RAB36: variants seen among roughly 807,000 people sequenced by gnomAD.
RAB36 encodes the protein ras-related protein Rab-36.
Under a neutral mutation model 39.3 loss-of-function variants are expected in RAB36, and 33 were observed. The ratio of observed to expected loss-of-function variants is 0.84; its 90% CI spans 0.64 to 1.12. RAB36 has a LOEUF of 1.12. RAB36 is among the 50% of genes most tolerant of loss of function. The probability of loss-of-function intolerance (pLI) is 0.00; values close to 1 mark genes in which losing one functional copy is unlikely to be tolerated. For synonymous variants in RAB36, 133 were observed against 140.2 expected, an observed-to-expected ratio of 0.95 and a Z score of 0.36; for missense variants, 308 against 355.3, an observed-to-expected ratio of 0.87 and a Z score of 1.07.
intron 3 of RAB36, 114 bp downstream of exon 3, chr22:23,150,268 C>A: frequency 7.4e-6 from 6 of 808,858 alleles, no homozygotes; most frequent in Non-Finnish European, 1.0e-5. Flanking sequence ...CAGCCCTGTA[C>A]AGGCCTGAAG....
chr22:23,161,079 G>C (rs5759614), intron 10 of RAB36, 81 bp downstream of exon 10: 1 of 1,489,338 alleles, frequency 6.7e-7, no homozygotes, highest in East Asian at 2.3e-5. Context: ...GTCACCTGAG[G>C]CCTTGCCATT....
intron 5 of RAB36, chr22:23,153,600 C>A (rs1233148233): frequency 1.0e-6 from 1 of 985,160 alleles, no homozygotes; most frequent in Admixed American, 6.2e-5. Flanking sequence ...ACACAGCACC[C>A]ACATCCTTCC....
intron 5 of RAB36, among the ~76,000 whole-genome samples, chr22:23,154,456 G>A (rs2071348292): frequency 6.6e-6 from 1 of 152,236 alleles, no homozygotes; most frequent in Non-Finnish European, 1.5e-5. Context: ...CCAAGGGAGA[G>A]TACAGGCCAG....
At chr22:23,156,555 G>T (rs1004790094) in intron 6 of RAB36, among the ~76,000 whole-genome samples, 1 of 152,168 alleles carries the variant, frequency 6.6e-6, no homozygotes, top group Admixed American at 6.5e-5. Context: ...ATAAGCTCCG[G>T]ATGCCTACCC....
At chr22:23,154,590 G>A (rs562669099) in intron 5 of RAB36, among the ~76,000 whole-genome samples, 2 of 152,306 alleles carry the variant, frequency 1.3e-5, no homozygotes, top group East Asian at 3.9e-4. Flanking sequence ...GCTGGGGGCT[G>A]GGCTCACCCG....
intron 5 of RAB36, among the ~76,000 whole-genome samples, chr22:23,154,284 T>C (rs1367678307): frequency 6.6e-6 from 1 of 152,178 alleles, no homozygotes; most frequent in African/African-American, 2.4e-5. Flanking sequence ...CCAAGCTCCT[T>C]CCTGGTGCCT....
chr22:23,155,916 T>G, intron 5 of RAB36, 52 bp from the exon 6 acceptor site: 1 of 1,526,540 alleles, frequency 6.6e-7, no homozygotes, highest in Non-Finnish European at 8.9e-7. Context: ...CTCAAGACAC[T>G]GTGATTGTGT....
chr22:23,165,763 C>T (rs1055176137), downstream of RAB36, among the ~76,000 whole-genome samples: 1 of 152,174 alleles, frequency 6.6e-6, no homozygotes, highest in African/African-American at 2.4e-5. Flanking sequence ...ATATGAGTGG[C>T]AGGTGGTGTG....
intron 3 of RAB36, among the ~76,000 whole-genome samples, chr22:23,150,932 G>A (rs901033539): frequency 1.3e-5 from 2 of 152,196 alleles, no homozygotes; most frequent in Non-Finnish European, 2.9e-5. Context: ...CCAAGAGGGC[G>A]AGGGCTGTGT....
chr22:23,148,733 C>T (rs2070941932), intron 2 of RAB36, among the ~76,000 whole-genome samples: 1 of 152,210 alleles, frequency 6.6e-6, no homozygotes, highest in African/African-American at 2.4e-5. Flanking sequence ...CTGAAATCAG[C>T]TCACACTTCT....
Position 23,161,842 on chromosome 22 carries a change from ATTTG to A in RAB36, c.*279_*282del. On this transcript the variant is annotated 3_prime_UTR_variant, in exon 11 of 11. Coordinates refer to ENST00000263116, the MANE Select transcript of RAB36 (RefSeq NM_004914.5). Reference sequence around the variant, plus strand: ...TGGTGATCCCATAAAAGGCCAGTCCATTTGCAGGGTCATCAGACAGTCACCTTTG... The same window carrying A: ...TGGTGATCCCATAAAAGGCCAGTCCACAGGGTCATCAGACAGTCACCTTTG... 1 of 449,830 alleles carries A rather than the reference ATTTG, an allele frequency of 2.2e-6. No individual in the cohort carries two copies. The highest frequency in any genetic ancestry group is 3.8e-5 in the Admixed American group (1 of 26,596). The allele number at this position is 449,830 out of a possible 1,614,324, so 27.9% of individuals were successfully genotyped here. A position where few individuals can be genotyped will look rare whatever the true frequency, so the allele number is the denominator to read the frequency against.
rs142206414 is a variant in RAB36 at position 23,160,977 on chromosome 22, G to A, written c.718G>A (p.Val240Ile). 1.9e-6 allele frequency: 3 copies of A among 1,612,404 alleles called. No homozygotes were observed. In the African/African-American group the frequency reaches 4.0e-5, roughly 22 times the overall value. The change falls in exon 10 of 11, where the codon GTC becomes ATC. Residue 240 changes from valine to isoleucine, a missense_variant. Transcript: ENST00000263116. Reference sequence around the variant, plus strand: ...GAGGCAGAGCAGTGCCCGGCTCCAGGTCGGCAATGGAGACCTAATCCGTGA... The same window carrying A: ...GAGGCAGAGCAGTGCCCGGCTCCAGATCGGCAATGGAGACCTAATCCGTGA... ...LERQSSARLQVGNGDLIQMEG... is the reference protein window; with the variant it reads ...LERQSSARLQIGNGDLIQMEG...
intron 3 of RAB36, 96 bp from the exon 4 acceptor site, chr22:23,152,365 C>A: frequency 7.7e-7 from 1 of 1,297,172 alleles, no homozygotes; most frequent in Non-Finnish European, 1.1e-6. Flanking sequence ...TGAGGGGTGT[C>A]TCACCAGCAG....
Position 23,146,647 on chromosome 22 carries a change from C to T in RAB36, c.31C>T (p.Pro11Ser). Residue 11 changes from proline to serine, a missense_variant, in exon 2 of 11, where the codon CCT (proline) becomes TCT (serine). Coordinates refer to ENST00000263116, the MANE Select transcript of RAB36 (RefSeq NM_004914.5). The part of the protein sequence containing the change: MRSSLTPLGP[P>S]VSRDRVIASF... Reference sequence around the variant, plus strand: ...GTCCTCCCTGACACCTTTGGGGCCCCCTGTGAGCCGCGACCGTGTCATCGC... The same window carrying T: ...GTCCTCCCTGACACCTTTGGGGCCCTCTGTGAGCCGCGACCGTGTCATCGC... The T allele has an allele frequency of 6.2e-7, 1 of 1,614,106 alleles. No homozygotes were observed. Among genetic ancestry groups the T allele is most frequent in the Middle Eastern group, 1.6e-4 (1 of 6,062 alleles).
At position 23,164,121 on chromosome 22, in the gene RAB36, G is replaced by A. The variant is rs2071970492; in HGVS notation, c.*2557G>A. On this transcript the variant is annotated 3_prime_UTR_variant, in exon 11 of 11. Coordinates refer to ENST00000263116, the MANE Select transcript of RAB36 (RefSeq NM_004914.5). ...GGGCAGACAGCATTGGGGTCCATTA[G>A]GAAGACCAGGTTTGCTGGGCATAAG... 1 of 152,258 alleles carries A rather than the reference G, an allele frequency of 6.6e-6. No homozygotes were observed. The highest frequency in any genetic ancestry group is 2.4e-5 in the African/African-American group (1 of 41,454). The allele number at this position is 152,258 out of a possible 1,614,324, so 9.4% of individuals were successfully genotyped here. A position where few individuals can be genotyped will look rare whatever the true frequency, so the allele number is the denominator to read the frequency against.
intron 6 of RAB36, among the ~76,000 whole-genome samples, 197 bp from the exon 7 acceptor site, chr22:23,157,795 G>A (rs2071541853): frequency 6.6e-6 from 1 of 152,178 alleles, no homozygotes; most frequent in African/African-American, 2.4e-5. Flanking sequence ...TGGGCTGCCG[G>A]GTGCAGGCTG....
At chr22:23,161,395 C>T (rs2071787648) in intron 10 of RAB36, 105 bp from the exon 11 acceptor site, 2 of 1,062,928 alleles carry the variant, frequency 1.9e-6, no homozygotes, top group Non-Finnish European at 2.8e-6. Flanking sequence ...ACAGCAGGCC[C>T]AGAAGCTTCA....
downstream of RAB36, among the ~76,000 whole-genome samples, chr22:23,166,290 A>G (rs1351930364): frequency 7.4e-6 from 1 of 134,902 alleles, no homozygotes; most frequent in Non-Finnish European, 1.5e-5. Context: ...TCCAAAGTCC[A>G]GAGTCAGTGT....
chr22:23,145,710 C>G (rs2070728502), intron 1 of RAB36, among the ~76,000 whole-genome samples, 159 bp downstream of exon 1: 1 of 152,240 alleles, frequency 6.6e-6, no homozygotes, highest in African/African-American at 2.4e-5. Flanking sequence ...ATTTCCGGAG[C>G]GCAAACTCTG....
Sources: allele counts gnomAD v4.1 joint callset (sites outside exome capture counted in the v4.1 genomes callset), GRCh38; gene constraint gnomAD v4.1.1; transcripts MANE v1.5; gene names NCBI Gene and HGNC (gene_info 2026-07-23, HGNC 2026-07-21).